Variants in PLEKHG3 observed in about 807,000 individuals in gnomAD.
The protein encoded by PLEKHG3 is pleckstrin homology and RhoGEF domain containing G3.
PLEKHG3 carries 62 observed loss-of-function variants against 94.9 expected under a neutral mutation model. That is an observed-to-expected ratio of 0.65 (90% CI 0.53 to 0.81). PLEKHG3 has a LOEUF of 0.81. Ranked by LOEUF, PLEKHG3 falls within the 30% of genes least tolerant of loss-of-function variation. The probability of loss-of-function intolerance (pLI) is 0.00; values close to 1 mark genes in which losing one functional copy is unlikely to be tolerated. For missense variants in PLEKHG3, 1,461 were observed against 1,619.3 expected, an observed-to-expected ratio of 0.90 and a Z score of 1.68; for synonymous variants, 614 against 654.0, an observed-to-expected ratio of 0.94 and a Z score of 0.93.
chr14:64,738,930 T>A lies in PLEKHG3; in HGVS notation c.1518+75T>A. 2.2e-6 allele frequency: 2 copies of A among 909,598 alleles called. No homozygotes were observed. Among genetic ancestry groups the A allele is most frequent in the Non-Finnish European group, 3.5e-6 (2 of 564,032 alleles). The allele number at this position is 909,598 out of a possible 1,614,324, so 56.3% of individuals were successfully genotyped here. A position where few individuals can be genotyped will look rare whatever the true frequency, so the allele number is the denominator to read the frequency against. On this transcript the variant is annotated intron_variant, in intron 15 of 16. Coordinates refer to ENST00000247226, the MANE Select transcript of PLEKHG3 (RefSeq NM_001308147.2). This position sits in a 1 kb window ranked among gnomAD's most constrained non-coding sequence, Gnocchi z 4.8. The stretch of plus-strand genomic sequence containing the variant: ...AGATTTTCAAGTCTGCAAATAGGGC[T>A]TTCAGGCACAGGCTCTCCCACTGGG...
intron 1 of PLEKHG3, among the ~76,000 whole-genome samples, chr14:64,705,535 G>T (rs1197522492): frequency 6.6e-6 from 1 of 152,158 alleles, no homozygotes; most frequent in Non-Finnish European, 1.5e-5. Context: ...GTAGGTGCCT[G>T]TCCCCTGCTC....
rs745533784 is a variant in PLEKHG3 at position 64,731,450 on chromosome 14, C to T, written c.939C>T (p.Arg313=). Residue 313 remains arginine, a synonymous_variant, in exon 8 of 17, where the codon CGC becomes CGT. Coordinates refer to ENST00000247226, the MANE Select transcript of PLEKHG3 (RefSeq NM_001308147.2). This position sits in a 1 kb window ranked among gnomAD's most constrained non-coding sequence, Gnocchi z 6.1. The part of the protein sequence containing the change: ...LVLEGTFRVH[R]VRNERTFFLF... ...TGGAGGGCACATTCCGCGTGCATCG[C>T]GTGCGCAATGAAAGGACCTTTTTCC... The T allele has an allele frequency of 6.2e-6, 10 of 1,613,914 alleles. No homozygotes were observed. Among genetic ancestry groups the T allele is most frequent in the Middle Eastern group, 1.7e-4 (1 of 6,060 alleles).
At chr14:64,713,917 T>C (rs2081098349) in intron 1 of PLEKHG3, among the ~76,000 whole-genome samples, 1 of 152,216 alleles carries the variant, frequency 6.6e-6, no homozygotes. Context: ...ACTATTGGGT[T>C]TTATATTTCA....
rs765147633 is a variant in PLEKHG3 at position 64,738,187 on chromosome 14, A to G, written c.1405-555A>G. ...CTGGCCGCCCTCCACTGCTGGCACT[A>G]TCGGGCCAACGCTTTACTTTTCTCC... On this transcript the variant is annotated intron_variant, in intron 14 of 16. Transcript: ENST00000247226. The surrounding 1 kb of genome is among the most constrained non-coding windows in gnomAD (Gnocchi z 4.8). The G allele has an allele frequency of 1.2e-5, 16 of 1,290,442 alleles. No individual in the cohort carries two copies. In the Admixed American group the frequency reaches 3.4e-4, roughly 28 times the overall value. 79.9% of individuals were successfully genotyped at this position (1,290,442 alleles called of 1,614,324 possible).
intron 1 of PLEKHG3, among the ~76,000 whole-genome samples, chr14:64,724,947 A>G (rs1029585966): frequency 1.3e-5 from 2 of 152,238 alleles, no homozygotes; most frequent in Non-Finnish European, 2.9e-5. Flanking sequence ...GCACTTTAAT[A>G]TATACAGAGC....
intron 3 of PLEKHG3, among the ~76,000 whole-genome samples, chr14:64,729,308 T>G (rs560995807): frequency 1.4e-4 from 22 of 152,304 alleles, no homozygotes; most frequent in African/African-American, 4.6e-4. Context: ...GTTGTGTGCA[T>G]GTTGGGTCCA....
In PLEKHG3 at chr14:64,731,557, GC is replaced by G. The variant is rs1013858002; in HGVS notation, c.1032+18del. ...GGCAACATCCCGGTAACCAGGCCCT[GC>G]CCCATCTCCTCTGCCATCTTCTCTC... On this transcript the variant is annotated intron_variant, in intron 8 of 16. Transcript: ENST00000247226. This position sits in a 1 kb window ranked among gnomAD's most constrained non-coding sequence, Gnocchi z 6.1. The G allele has an allele frequency of 6.2e-7, 1 of 1,612,090 alleles. No individual in the cohort carries two copies. Among genetic ancestry groups the G allele is most frequent in the African/African-American group, 1.3e-5 (1 of 74,802 alleles).
At chr14:64,706,359 C>T (rs2080970575) in intron 1 of PLEKHG3, among the ~76,000 whole-genome samples, 2 of 152,226 alleles carry the variant, frequency 1.3e-5, no homozygotes, top group Non-Finnish European at 2.9e-5. Context: ...AACCAGAGGT[C>T]AGATGTCCTC....
In PLEKHG3 at chr14:64,749,523, C is replaced by A; in HGVS notation, c.*5820C>A. ...AGTCTGGAGGCCCACAGCCCCCCACCTCCCGGGCCAGGCAACAATGGTGGG... is the reference window on the plus strand; with the variant it reads ...AGTCTGGAGGCCCACAGCCCCCCACATCCCGGGCCAGGCAACAATGGTGGG... On this transcript the variant is annotated 3_prime_UTR_variant, in exon 17 of 17. Transcript: ENST00000247226. This position sits in a 1 kb window ranked among gnomAD's most constrained non-coding sequence, Gnocchi z 4.7. 1 of 1,598,096 alleles carries A rather than the reference C, an allele frequency of 6.3e-7. No individual in the cohort carries two copies. The highest frequency in any genetic ancestry group is 8.5e-7 in the Non-Finnish European group (1 of 1,177,398).
Position 64,743,343 on chromosome 14 carries a change from C to T in PLEKHG3, c.3300C>T (p.Ser1100=), listed in dbSNP as rs1182594188. The T allele has an allele frequency of 6.8e-6, 11 of 1,607,674 alleles. No homozygotes were observed. Among genetic ancestry groups the T allele is most frequent in the Non-Finnish European group, 7.6e-6 (9 of 1,177,432 alleles). The change falls in exon 17 of 17, where the codon AGC becomes AGT. Residue 1100 remains serine, a synonymous_variant. Transcript: ENST00000247226. This position sits in a 1 kb window ranked among gnomAD's most constrained non-coding sequence, Gnocchi z 7.2. ...CGGGCAGGGTGGGCCGCTGCCGCAG[C>T]CTGAGCACCAAGAGGGGCCGGGGAG... The part of the protein sequence containing the change: ...PLSGRVGRCR[S]LSTKRGRGGG...
At chr14:64,712,871 C>A (rs1030939197) in intron 1 of PLEKHG3, among the ~76,000 whole-genome samples, 1 of 152,168 alleles carries the variant, frequency 6.6e-6, no homozygotes, top group Non-Finnish European at 1.5e-5. Context: ...ACTGGATATC[C>A]TTGTCTTCTT....
rs868048447 is a variant in PLEKHG3, at chr14:64,716,452, A to C, written c.-39-11141A>C. Among the ~76,000 whole-genome samples, 492 of 132,784 alleles carry C rather than the reference A, an allele frequency of 3.7e-3. 2 individuals are homozygous for C. The highest frequency in any genetic ancestry group is 0.013 in the African/African-American group (453 of 34,090). The allele number at this position is 132,784 out of a possible 152,430, so 87.1% of individuals were successfully genotyped here. A position where few individuals can be genotyped will look rare whatever the true frequency, so the allele number is the denominator to read the frequency against. ...TAGGGCCCTACACACACACACACAC[A>C]CACACACACACACAACACACACACA... On this transcript the variant is annotated intron_variant, in intron 1 of 16. Coordinates refer to ENST00000247226, the MANE Select transcript of PLEKHG3 (RefSeq NM_001308147.2). This position sits in a 1 kb window ranked among gnomAD's most constrained non-coding sequence, Gnocchi z 5.0.
chr14:64,705,010 C>T (rs1236095112), intron 1 of PLEKHG3, among the ~76,000 whole-genome samples: 3 of 152,124 alleles, frequency 2.0e-5, no homozygotes, highest in Non-Finnish European at 4.4e-5. Flanking sequence ...AGTTTGAAAT[C>T]CAGGAAGCCC....
chr14:64,709,729 CTGTGTGTGTGTGTGTGTGTGTGTGTG>C (rs3063746), intron 1 of PLEKHG3, among the ~76,000 whole-genome samples: 4 of 144,024 alleles, frequency 2.8e-5, no homozygotes, highest in African/African-American at 1.0e-4. Flanking sequence ...GGCTGTGAGA[CTGTGTGTGTGTGTGTGTGTGTGTGTG>C]TGTGTGTGTG....
rs1355080130 is a variant in PLEKHG3 at position 64,729,092 on chromosome 14, A to G, written c.448A>G (p.Ser150Gly). 2 of 1,444,030 alleles carry G rather than the reference A, an allele frequency of 1.4e-6. No homozygotes were observed. The highest frequency in any genetic ancestry group is 1.9e-6 in the Non-Finnish European group (2 of 1,064,082). The allele number at this position is 1,444,030 out of a possible 1,614,324, so 89.5% of individuals were successfully genotyped here. ...CATAGAAAATATCTACGCGCTGAACAGGTGTGTGAATGGGCCTGACACTCA... is the reference window on the plus strand; with the variant it reads ...CATAGAAAATATCTACGCGCTGAACGGGTGTGTGAATGGGCCTGACACTCA... ...GNIENIYALN[S>G]QLLRDLDSCN... The change falls in exon 3 of 17, where the codon AGC (serine) becomes GGC (glycine). Residue 150 changes from serine (S) to glycine (G), a missense_variant and splice_region_variant. Coordinates refer to ENST00000247226, the MANE Select transcript of PLEKHG3 (RefSeq NM_001308147.2).
Position 64,749,476 on chromosome 14 carries a change from G to A in PLEKHG3, c.*5773G>A. On this transcript the variant is annotated 3_prime_UTR_variant, in exon 17 of 17. Coordinates refer to ENST00000247226, the MANE Select transcript of PLEKHG3 (RefSeq NM_001308147.2). This position sits in a 1 kb window ranked among gnomAD's most constrained non-coding sequence, Gnocchi z 4.7. ...TGCAGCCAGGACAGCATCTCCTCCT[G>A]CGGGGCGGAGGGTCACGGTGGAGTC... The A allele has an allele frequency of 6.3e-7, 1 of 1,599,770 alleles. No homozygotes were observed.
rs914175934 is a variant in PLEKHG3 at position 64,749,221 on chromosome 14, G to A, written c.*5518G>A. On this transcript the variant is annotated 3_prime_UTR_variant, in exon 17 of 17. Transcript: ENST00000247226. The surrounding 1 kb of genome is among the most constrained non-coding windows in gnomAD (Gnocchi z 4.7). ...CGACTCGACTCATCTCGATTCGACC[G>A]GCGGGCGGCGGCGAGAGGAGGCCAA... 7.8e-5 allele frequency: 115 copies of A among 1,480,200 alleles called. No homozygotes were observed. Among genetic ancestry groups the A allele is most frequent in the East Asian group, 5.5e-4 (22 of 39,950 alleles). The allele number at this position is 1,480,200 out of a possible 1,614,324, so 91.7% of individuals were successfully genotyped here.
Position 64,722,186 on chromosome 14 carries a change from C to T in PLEKHG3, c.-39-5407C>T, listed in dbSNP as rs141905734. ...CCACACAGGAGGGCTGCGCCATCGC[C>T]GTTCCTGAGTGAGGACTTTCTTTCT... On this transcript the variant is annotated intron_variant, in intron 1 of 16. Transcript: ENST00000247226. The surrounding 1 kb of genome is among the most constrained non-coding windows in gnomAD (Gnocchi z 4.3). 1.3e-3 allele frequency among the ~76,000 whole-genome samples: 205 copies of T among 152,152 alleles called. No homozygotes were observed. Among genetic ancestry groups the T allele is most frequent in the African/African-American group, 4.9e-3 (204 of 41,526 alleles).
At chr14:64,742,890 G>T in intron 16 of PLEKHG3, 92 bp from the exon 17 acceptor site, 2 of 1,257,304 alleles carry the variant, frequency 1.6e-6, no homozygotes, top group Non-Finnish European at 2.3e-6. Flanking sequence ...AACCAGCCTT[G>T]CCTGGAAAGT....
Sources: gnomAD v4.1 joint callset for allele counts (sites outside exome capture counted in the v4.1 genomes callset) on GRCh38, gnomAD v4.1.1 for gene constraint, Gnocchi (gnomAD v3.1) non-coding constraint, MANE v1.5 for transcripts, NCBI Gene and HGNC (gene_info 2026-07-23, HGNC 2026-07-21) for gene names.